WASF3: variants seen among roughly 807,000 people sequenced by gnomAD.
The protein encoded by WASF3 is WASP family member 3, also known as actin-binding protein WASF3.
A neutral mutation model predicts 46.6 loss-of-function variants in WASF3; 11 were observed. The observed-to-expected ratio is 0.24, with a 90% CI of 0.15 to 0.39. The LOEUF (loss-of-function observed/expected upper bound fraction) is 0.39. WASF3 is among the 10% of genes least tolerant of loss of function. WASF3 has a pLI of 1.00. For synonymous variants in WASF3, 242 were observed against 259.7 expected, an observed-to-expected ratio of 0.93 and a Z score of 0.65; for missense variants, 576 against 669.8, an observed-to-expected ratio of 0.86 and a Z score of 1.55.
At chr13:26,560,177 CT>C (rs142986777) in intron 1 of WASF3, among the ~76,000 whole-genome samples, 4 of 151,942 alleles carry the variant, frequency 2.6e-5, no homozygotes, top group Admixed American at 1.3e-4. Context: ...TCAAGTCAGG[CT>C]TTTTTTGGCT....
chr13:26,558,879 A>G (rs1392959322), intron 1 of WASF3, among the ~76,000 whole-genome samples: 1 of 152,328 alleles, frequency 6.6e-6, no homozygotes, highest in South Asian at 2.1e-4. Flanking sequence ...GAGGATAGCT[A>G]TTTGAAATAT....
chr13:26,548,246 C>T, the WASF3 span, among the ~76,000 whole-genome samples: 16 of 152,182 alleles, frequency 1.1e-4, no homozygotes, highest in African/African-American at 3.9e-4. Flanking sequence ...CTCCAGACTA[C>T]CCTGTCTGTA....
chr13:26,565,326 AC>A (rs1879431090), intron 1 of WASF3, among the ~76,000 whole-genome samples: 1 of 152,178 alleles, frequency 6.6e-6, no homozygotes, highest in African/African-American at 2.4e-5. Context: ...GGGGCAACTT[AC>A]AAGTATGTTT....
At chr13:26,547,112 C>T in the WASF3 span, among the ~76,000 whole-genome samples, 1 of 151,510 alleles carries the variant, frequency 6.6e-6, no homozygotes, top group Non-Finnish European at 1.5e-5. Flanking sequence ...TTTTTTTTCC[C>T]CTGAGTTGGC....
intron 1 of WASF3, among the ~76,000 whole-genome samples, chr13:26,578,734 C>A (rs1366128602): frequency 6.6e-6 from 1 of 152,104 alleles, no homozygotes; most frequent in Non-Finnish European, 1.5e-5. Context: ...CTCTCTGGGA[C>A]CTATGAGTAA....
chr13:26,676,590 G>A lies in WASF3; in HGVS notation c.582G>A (p.Lys194=), dbSNP rs987747599. 6.2e-7 allele frequency: 1 copy of A among 1,614,128 alleles called. No individual in the cohort carries two copies. The highest frequency in any genetic ancestry group is 2.2e-5 in the East Asian group (1 of 44,884). Residue 194 remains lysine, a synonymous_variant, in exon 7 of 10, where the codon AAG becomes AAA. Coordinates refer to ENST00000335327, the MANE Select transcript of WASF3 (RefSeq NM_006646.6). ...RIDGTTREVK[K]VRKARNRRQE... ...ATGGCACCACCCGTGAGGTGAAAAA[G>A]GTTAGAAAAGCCAGAAACAGGCGCC...
At chr13:26,611,736 T>A (rs772589332) in intron 1 of WASF3, among the ~76,000 whole-genome samples, 1 of 152,198 alleles carries the variant, frequency 6.6e-6, no homozygotes, top group Non-Finnish European at 1.5e-5. Context: ...GAGCATGCAG[T>A]ACAGCTGCTC....
At position 26,557,830 on chromosome 13, in the gene WASF3, GC is replaced by G. The variant is rs1039672767; in HGVS notation, c.-109+12del. ...CGGGACCGCGGACCGGTGAGTGAGG[GC>G]TGCGGTCGCCCCGGCTCTCCGCTGT... is the stretch of plus-strand genomic sequence containing the variant. On this transcript the variant is annotated intron_variant, in intron 1 of 9. Coordinates refer to ENST00000335327, the MANE Select transcript of WASF3 (RefSeq NM_006646.6). The G allele has an allele frequency of 3.3e-5, 10 of 304,314 alleles. No individual in the cohort carries two copies. The highest frequency in any genetic ancestry group is 5.4e-5 in the Non-Finnish European group (9 of 166,120). The allele number at this position is 304,314 out of a possible 1,614,324, so 18.9% of individuals were successfully genotyped here.
intron 1 of WASF3, among the ~76,000 whole-genome samples, chr13:26,604,425 A>G (rs1278330982): frequency 2.0e-5 from 3 of 152,220 alleles, no homozygotes; most frequent in Non-Finnish European, 4.4e-5. Flanking sequence ...TTAGGGGGAA[A>G]GAGTCAGGCG....
intron 1 of WASF3, among the ~76,000 whole-genome samples, chr13:26,581,860 G>C (rs981681313): frequency 2.0e-5 from 3 of 152,226 alleles, no homozygotes; most frequent in Non-Finnish European, 4.4e-5. Context: ...CTTTGGCATA[G>C]AATGTTACCA....
intron 1 of WASF3, among the ~76,000 whole-genome samples, chr13:26,604,422 GA>G (rs1025783682): frequency 6.6e-6 from 1 of 152,198 alleles, no homozygotes; most frequent in African/African-American, 2.4e-5. Flanking sequence ...TGATTAGGGG[GA>G]AAGAGTCAGG....
intron 1 of WASF3, among the ~76,000 whole-genome samples, chr13:26,586,064 A>G (rs980421111): frequency 1.3e-5 from 2 of 152,180 alleles, no homozygotes; most frequent in African/African-American, 4.8e-5. Context: ...GTTTGTGGAT[A>G]GAATTATGAT....
chr13:26,686,903 CT>C lies in WASF3; in HGVS notation c.*1061del, dbSNP rs1232941277. The C allele has an allele frequency of 1.3e-5, 2 of 152,258 alleles. No individual in the cohort carries two copies. The highest frequency in any genetic ancestry group is 2.9e-5 in the Non-Finnish European group (2 of 68,062). 9.4% of individuals were successfully genotyped at this position (152,258 alleles called of 1,614,324 possible). A position where few individuals can be genotyped will look rare whatever the true frequency, so the allele number is the denominator to read the frequency against. The stretch of plus-strand genomic sequence containing the variant: ...AAAGTAGATATTGACAGCTATTCAC[CT>C]TTCACGGTGCTGGGGCCAGATTAGG... On this transcript the variant is annotated 3_prime_UTR_variant, in exon 10 of 10. Transcript: ENST00000335327.
chr13:26,648,565 T>C (rs993288756), intron 3 of WASF3, among the ~76,000 whole-genome samples: 1 of 152,170 alleles, frequency 6.6e-6, no homozygotes, highest in African/African-American at 2.4e-5. Flanking sequence ...GTGAGGAAGA[T>C]AGAACACAGT....
chr13:26,611,008 A>G (rs913004003), intron 1 of WASF3, among the ~76,000 whole-genome samples: 58 of 149,406 alleles, frequency 3.9e-4, no homozygotes, highest in Admixed American at 2.5e-3. Context: ...AGACAATCCA[A>G]TGTAGATATT....
chr13:26,666,416 C>A (rs933615816), intron 4 of WASF3, among the ~76,000 whole-genome samples: 2 of 152,036 alleles, frequency 1.3e-5, no homozygotes, highest in African/African-American at 4.8e-5. Flanking sequence ...AAGATTTTAC[C>A]TTATTACTTT....
rs372544195 is a variant in WASF3, at chr13:26,660,396, A to G, written c.134-4632A>G. ...GGCAGGCAGGCTTGGCCTGGGCATCATGGTCAGCACTGGGCCATGCCAGAG... is the reference window on the plus strand; with the variant it reads ...GGCAGGCAGGCTTGGCCTGGGCATCGTGGTCAGCACTGGGCCATGCCAGAG... On this transcript the variant is annotated intron_variant, in intron 3 of 9. Transcript: ENST00000335327. Among the ~76,000 whole-genome samples the G allele has an allele frequency of 2.6e-5, 4 of 152,168 alleles. No individual in the cohort carries two copies. The East Asian group carries it at 5.8e-4, about 22-fold the overall frequency.
chr13:26,674,088 AG>A (rs1244215090), intron 6 of WASF3, among the ~76,000 whole-genome samples: 1 of 152,170 alleles, frequency 6.6e-6, no homozygotes. Flanking sequence ...ATTTTAATGT[AG>A]GCCAGTGTAG....
rs1420423163 is a variant in WASF3 at position 26,688,451 on chromosome 13, G to A, written c.*2606G>A. ...CTTTTCTCTCATAGCGTAGACCTAG[G>A]GAAGGGATGGGAAGATTGCCCAGTC... On this transcript the variant is annotated 3_prime_UTR_variant, in exon 10 of 10. Coordinates refer to ENST00000335327, the MANE Select transcript of WASF3 (RefSeq NM_006646.6). 2.6e-5 allele frequency: 4 copies of A among 152,156 alleles called. No individual in the cohort carries two copies. The highest frequency in any genetic ancestry group is 9.7e-5 in the African/African-American group (4 of 41,434). 9.4% of individuals were successfully genotyped at this position (152,156 alleles called of 1,614,324 possible).
Sources: gnomAD v4.1 joint callset for allele counts (sites outside exome capture counted in the v4.1 genomes callset) on GRCh38, gnomAD v4.1.1 for gene constraint, MANE v1.5 for transcripts, NCBI Gene and HGNC (gene_info 2026-07-23, HGNC 2026-07-21) for gene names.